PDE4D: variants seen among roughly 807,000 people sequenced by gnomAD.
The protein encoded by PDE4D is 3',5'-cyclic-AMP phosphodiesterase 4D.
PDE4D carries 24 observed loss-of-function variants against 87.4 expected under a neutral mutation model. That is an observed-to-expected ratio of 0.27 (90% CI 0.20 to 0.39). PDE4D has a LOEUF of 0.39. Ranked by LOEUF, PDE4D falls within the 10% of genes least tolerant of loss-of-function variation. The pLI, the probability that PDE4D is intolerant of heterozygous loss-of-function variation, is 1.00. For missense variants in PDE4D, 714 were observed against 1,041.0 expected (o/e 0.69, Z 4.32); for synonymous variants, 384 against 383.2 (o/e 1.00, Z -0.02).
At position 60,084,657 on chromosome 5, in the gene PDE4D, C is replaced by T. The variant is rs76213807; in HGVS notation, c.43-95940G>A. Among the ~76,000 whole-genome samples the T allele has an allele frequency of 3.0e-3, 462 of 152,324 alleles. 2 individuals are homozygous for T. Among genetic ancestry groups the T allele is most frequent in the South Asian group, 0.02 (97 of 4,830 alleles). On this transcript the variant is annotated intron_variant, in intron 2 of 16. Transcript: ENST00000502484. Reference sequence around the variant, plus strand: ...ACATTTTAAATCAATGTTCCAAACACGTAACTCTCTTAAAGTTTGTCACTG... The same window carrying T: ...ACATTTTAAATCAATGTTCCAAACATGTAACTCTCTTAAAGTTTGTCACTG...
In PDE4D at chr5:59,980,681, A is replaced by T. The variant is rs992430056; in HGVS notation, c.272+7807T>A. On this transcript the variant is annotated intron_variant, in intron 3 of 16. Transcript: ENST00000502484. The stretch of plus-strand genomic sequence containing the variant: ...TCCATTCAGCATATCCTTAATGGGG[A>T]CACCAGAATGTACTACAATAATGAA... Among the ~76,000 whole-genome samples the T allele has an allele frequency of 2.6e-5, 4 of 152,302 alleles. No individual in the cohort carries two copies. In the South Asian group the frequency reaches 8.3e-4, roughly 32 times the overall value.
intron 1 of PDE4D, among the ~76,000 whole-genome samples, chr5:59,274,826 T>C (rs1561861351): frequency 6.6e-6 from 1 of 151,936 alleles, no homozygotes; most frequent in Non-Finnish European, 1.5e-5. Flanking sequence ...AAATAAAACA[T>C]AAGAGATGAA....
chr5:59,016,046 A>G (rs1432941905), intron 6 of PDE4D, among the ~76,000 whole-genome samples: 1 of 152,178 alleles, frequency 6.6e-6, no homozygotes, highest in African/African-American at 2.4e-5. Context: ...CAAACACCGC[A>G]TGTTCTCACT....
rs949543875 is a variant in PDE4D, at chr5:60,347,657, A to G, written c.-90+140285T>C. 4.6e-5 allele frequency among the ~76,000 whole-genome samples: 7 copies of G among 152,254 alleles called. 1 individual carries two copies. The highest frequency in any genetic ancestry group is 6.8e-3 in the Middle Eastern group (2 of 294). ...TAGAAAGTAAAGGACATGCCCAGACACCAAAATCAATGAGAAAGCACAAGT... is the reference window on the plus strand; with the variant it reads ...TAGAAAGTAAAGGACATGCCCAGACGCCAAAATCAATGAGAAAGCACAAGT... On this transcript the variant is annotated intron_variant, in intron 1 of 16. Transcript: ENST00000502484.
At chr5:59,255,031 C>A (rs994812267) in intron 1 of PDE4D, among the ~76,000 whole-genome samples, 4 of 152,064 alleles carry the variant, frequency 2.6e-5, no homozygotes, top group Non-Finnish European at 2.9e-5. Flanking sequence ...CTTAGAGCTA[C>A]CATTTGTCCC....
At chr5:59,484,479 G>A (rs572468042) in intron 1 of PDE4D, among the ~76,000 whole-genome samples, 1 of 152,198 alleles carries the variant, frequency 6.6e-6, no homozygotes, top group South Asian at 2.1e-4. Context: ...AAAAATTCTA[G>A]ATAATCTAGA....
chr5:59,856,376 C>T (rs7713509), intron 1 of PDE4D, among the ~76,000 whole-genome samples: 15,557 of 152,076 alleles, frequency 0.1, 2,494 homozygotes, highest in African/African-American at 0.34. Context: ...AAATATCTCA[C>T]TAATCTATAA....
intron 1 of PDE4D, among the ~76,000 whole-genome samples, chr5:60,269,091 G>C (rs541107883): frequency 4.4e-4 from 67 of 152,240 alleles, no homozygotes; most frequent in African/African-American, 1.4e-3. Context: ...ATCACCTGAA[G>C]TCAGGAGTTC....
At chr5:59,311,526 A>AC (rs1772630544) in intron 1 of PDE4D, among the ~76,000 whole-genome samples, 1 of 133,124 alleles carries the variant, frequency 7.5e-6, no homozygotes, top group Non-Finnish European at 1.6e-5. Context: ...AAAAAAAAAA[A>AC]CAGAAAAAGA....
Position 60,233,196 on chromosome 5 carries a change from T to C in PDE4D, c.-89-47509A>G, listed in dbSNP as rs112746807. Among the ~76,000 whole-genome samples, 253 of 147,496 alleles carry C rather than the reference T, an allele frequency of 1.7e-3. 2 individuals are homozygous for C. Among genetic ancestry groups the C allele is most frequent in the African/African-American group, 5.7e-3 (230 of 40,392 alleles). ...GGTCGTTGTCACACACACACACACA[T>C]ACACACACACACACACACACTGAGC... is the stretch of plus-strand genomic sequence containing the variant. On this transcript the variant is annotated intron_variant, in intron 1 of 16. Transcript: ENST00000502484.
chr5:59,673,525 A>G (rs1747565330), intron 1 of PDE4D, among the ~76,000 whole-genome samples: 1 of 152,206 alleles, frequency 6.6e-6, no homozygotes, highest in Admixed American at 6.5e-5. Context: ...ATATTAGTGA[A>G]TCAAAACCTT....
upstream of PDE4D, among the ~76,000 whole-genome samples, chr5:59,898,321 A>C (rs1336001368): frequency 6.6e-6 from 1 of 152,250 alleles, no homozygotes; most frequent in Admixed American, 6.5e-5. Context: ...GTGATACTGC[A>C]TTGACAAACA....
intron 1 of PDE4D, among the ~76,000 whole-genome samples, chr5:59,361,782 T>C (rs1782270263): frequency 6.6e-6 from 1 of 152,228 alleles, no homozygotes. Context: ...ACCACAATTA[T>C]GTTTGTTTAA....
upstream of PDE4D, chr5:59,893,855 G>A (rs1751347093): frequency 7.7e-7 from 1 of 1,299,446 alleles, no homozygotes; most frequent in Non-Finnish European, 9.7e-7. Flanking sequence ...GGCTATGGCA[G>A]AGACACGCTC....
intron 1 of PDE4D, among the ~76,000 whole-genome samples, chr5:59,813,020 T>C (rs762907748): frequency 4.6e-5 from 7 of 152,394 alleles, no homozygotes; most frequent in Middle Eastern, 6.8e-3. Flanking sequence ...TTATCCCTTC[T>C]ATACCTGGAA....
intron 1 of PDE4D, among the ~76,000 whole-genome samples, chr5:59,772,558 G>A (rs1763682176): frequency 6.6e-6 from 1 of 152,132 alleles, no homozygotes; most frequent in African/African-American, 2.4e-5. Context: ...TGGTAACAAG[G>A]AAGATGAGAT....
intron 1 of PDE4D, among the ~76,000 whole-genome samples, chr5:59,606,526 G>C (rs1232880216): frequency 6.6e-6 from 1 of 152,010 alleles, no homozygotes; most frequent in Admixed American, 6.6e-5. Context: ...CTTGCCCATG[G>C]ACCTGGAGAG....
intron 1 of PDE4D, among the ~76,000 whole-genome samples, chr5:59,489,312 C>T (rs1805766757): frequency 6.6e-6 from 1 of 151,854 alleles, no homozygotes; most frequent in African/African-American, 2.4e-5. Flanking sequence ...GCTGTGGTCC[C>T]TCTGTAATAC....
chr5:59,053,658 G>GTTT (rs1420455755), intron 5 of PDE4D, among the ~76,000 whole-genome samples: 1 of 81,076 alleles, frequency 1.2e-5, no homozygotes, highest in Admixed American at 1.3e-4. Flanking sequence ...TTTTTTTGTT[G>GTTT]TTGTTTTTTT....
Sources: gnomAD v4.1 joint callset for allele counts (sites outside exome capture counted in the v4.1 genomes callset) on GRCh38, gnomAD v4.1.1 for gene constraint, MANE v1.5 for transcripts, NCBI Gene and HGNC (gene_info 2026-07-23, HGNC 2026-07-21) for gene names.